GRIP1: variants seen among roughly 807,000 people sequenced by gnomAD.
The protein encoded by GRIP1 is glutamate receptor interacting protein 1, also known as glutamate receptor-interacting protein 1.
In GRIP1, 45 loss-of-function variants were observed where a neutral mutation model predicts 129.9. The ratio of observed to expected loss-of-function variants is 0.35; its 90% CI spans 0.27 to 0.44. The LOEUF is 0.44. Ranked by LOEUF, GRIP1 falls within the 20% of genes least tolerant of loss-of-function variation. The pLI, the probability that GRIP1 is intolerant of heterozygous loss-of-function variation, is 1.00. For missense variants in GRIP1, 1,196 were observed against 1,396.8 expected (o/e 0.86, Z 2.29); for synonymous variants, 530 against 520.8 (o/e 1.02, Z -0.24).
intron 1 of GRIP1, among the ~76,000 whole-genome samples, chr12:66,901,183 C>T (rs545588620): frequency 1.1e-4 from 16 of 152,186 alleles, no homozygotes; most frequent in Non-Finnish European, 2.1e-4. Context: ...AAATGTACAG[C>T]TTTGTTTTGA....
intron 1 of GRIP1, among the ~76,000 whole-genome samples, chr12:66,600,033 TAATTGCTACAGTG>T (rs1380623910): frequency 1.3e-5 from 2 of 152,218 alleles, no homozygotes; most frequent in Non-Finnish European, 2.9e-5. Context: ...TGGTGTAAGT[TAATTGCTACAGTG>T]AAGCCTTTGA....
At chr12:66,547,903 T>C (rs953879869) in intron 2 of GRIP1, among the ~76,000 whole-genome samples, 5 of 152,172 alleles carry the variant, frequency 3.3e-5, no homozygotes, top group African/African-American at 1.2e-4. Flanking sequence ...ATATTTCTAT[T>C]GGGGAAAACA....
intron 1 of GRIP1, among the ~76,000 whole-genome samples, chr12:66,954,483 C>G (rs1466738126): frequency 6.6e-6 from 1 of 152,206 alleles, no homozygotes; most frequent in Non-Finnish European, 1.5e-5. Context: ...CCATCCCTGT[C>G]TCAACCACAC....
At chr12:66,419,784 C>T (rs1459612012) in intron 15 of GRIP1, among the ~76,000 whole-genome samples, 1 of 152,142 alleles carries the variant, frequency 6.6e-6, no homozygotes, top group East Asian at 1.9e-4. Flanking sequence ...CAATGTCCTT[C>T]CTACTTTTTG....
chr12:66,916,320 G>A (rs2041121055), intron 1 of GRIP1, among the ~76,000 whole-genome samples: 2 of 152,192 alleles, frequency 1.3e-5, no homozygotes, highest in African/African-American at 2.4e-5. Context: ...CAAGCCCTAA[G>A]GGGCTGGGAT....
At chr12:66,544,247 T>C (rs1482950862) in intron 2 of GRIP1, among the ~76,000 whole-genome samples, 1 of 152,236 alleles carries the variant, frequency 6.6e-6, no homozygotes, top group African/African-American at 2.4e-5. Flanking sequence ...ATTTTAATAA[T>C]GTGAAATTGA....
chr12:67,041,197 G>A (rs1021656615), intron 1 of GRIP1, among the ~76,000 whole-genome samples: 2 of 151,482 alleles, frequency 1.3e-5, no homozygotes, highest in African/African-American at 4.9e-5. Context: ...AAATATACGT[G>A]TGTATATATA....
At chr12:66,951,561 G>A (rs756840903) in intron 1 of GRIP1, among the ~76,000 whole-genome samples, 12 of 152,196 alleles carry the variant, frequency 7.9e-5, no homozygotes, top group Admixed American at 2.6e-4. Context: ...TTAAAAAGGG[G>A]AACAATACAC....
At chr12:66,792,304 T>G (rs1195764216) in intron 1 of GRIP1, among the ~76,000 whole-genome samples, 3 of 152,176 alleles carry the variant, frequency 2.0e-5, no homozygotes, top group Admixed American at 2.0e-4. Flanking sequence ...CATGGCTCAC[T>G]ACAGCCTTGA....
chr12:66,412,706 G>T (rs1164019646), intron 15 of GRIP1, among the ~76,000 whole-genome samples: 1 of 152,134 alleles, frequency 6.6e-6, no homozygotes, highest in East Asian at 1.9e-4. Context: ...TAAAGAGAGA[G>T]CCAAGACCTA....
rs371002374 is a variant in GRIP1, at chr12:66,371,827, G to A, written c.2879C>T (p.Ser960Leu). ...RQASFQERSS[S>L]RPHYSQTTRS... ...AGTTGTTTGGCTGTAGTGCGGCCGC[G>A]AGCTGCTGCGCTCCTGGAAGCTGGC... is the stretch of plus-strand genomic sequence containing the variant. Residue 960 changes from serine to leucine, a missense_variant, in exon 23 of 25, where the codon TCG becomes TTG. This residue lies in a region of GRIP1 where 427 missense variants were observed against 463.3 expected (regional missense o/e 0.92). Transcript: ENST00000359742. 6.8e-6 allele frequency: 11 copies of A among 1,613,602 alleles called. No individual in the cohort carries two copies. Among genetic ancestry groups the A allele is most frequent in the Non-Finnish European group, 9.3e-6 (11 of 1,179,570 alleles).
intron 1 of GRIP1, among the ~76,000 whole-genome samples, chr12:66,816,223 C>G (rs1295518451): frequency 6.6e-6 from 1 of 151,966 alleles, no homozygotes; most frequent in Non-Finnish European, 1.5e-5. Flanking sequence ...GTAAATAGAC[C>G]CACTGGAGGA....
chr12:66,464,319 T>C (rs2059221081), intron 8 of GRIP1, among the ~76,000 whole-genome samples: 1 of 152,334 alleles, frequency 6.6e-6, no homozygotes, highest in Admixed American at 6.5e-5. Context: ...TATCTTCCCC[T>C]TTTACCTTAC....
intron 23 of GRIP1, among the ~76,000 whole-genome samples, chr12:66,359,335 G>T (rs1299547696): frequency 6.6e-6 from 1 of 152,184 alleles, no homozygotes; most frequent in Admixed American, 6.5e-5. Flanking sequence ...TTTGGTGTGG[G>T]CCTGGAATAA....
chr12:66,866,118 T>C (rs2040201122), intron 1 of GRIP1, among the ~76,000 whole-genome samples: 1 of 152,068 alleles, frequency 6.6e-6, no homozygotes, highest in Non-Finnish European at 1.5e-5. Flanking sequence ...AAACCTATCA[T>C]CATATGAAGA....
rs538520613 is a variant in GRIP1, at chr12:66,705,478, G to C, written c.-419-75142C>G. The stretch of plus-strand genomic sequence containing the variant: ...TCAATATCGTGAAAATGGCCATACT[G>C]CCCAAAGCAATTCATAGATTCAATG... On this transcript the variant is annotated intron_variant, in intron 1 of 4. Transcript: ENST00000538373. Among the ~76,000 whole-genome samples, 1,280 of 152,188 alleles carry C rather than the reference G, an allele frequency of 8.4e-3. 20 individuals are homozygous for C. The highest frequency in any genetic ancestry group is 0.028 in the African/African-American group (1,182 of 41,522).
chr12:66,667,802 T>C (rs77827299), intron 1 of GRIP1, among the ~76,000 whole-genome samples: 1,984 of 152,102 alleles, frequency 0.013, 55 homozygotes, highest in African/African-American at 0.046. Flanking sequence ...GTGAAGGAGG[T>C]GTTTAACTTT....
chr12:66,785,198 C>A (rs1284117671), intron 1 of GRIP1, among the ~76,000 whole-genome samples: 1 of 151,362 alleles, frequency 6.6e-6, no homozygotes, highest in Non-Finnish European at 1.5e-5. Flanking sequence ...GTGGCTCATG[C>A]CTGTAATCCC....
intron 1 of GRIP1, among the ~76,000 whole-genome samples, chr12:66,815,702 TG>T (rs1423362250): frequency 6.6e-6 from 1 of 151,914 alleles, no homozygotes; most frequent in Non-Finnish European, 1.5e-5. Context: ...AAGTAGAGGC[TG>T]CAATAAGCCA....
Sources: allele counts gnomAD v4.1 joint callset (sites outside exome capture counted in the v4.1 genomes callset), GRCh38; gene constraint gnomAD v4.1.1; regional missense constraint gnomAD v4.1.1; transcripts MANE v1.5; gene names NCBI Gene and HGNC (gene_info 2026-07-23, HGNC 2026-07-21).